Variants in DGLUCY observed in about 807,000 individuals in gnomAD.
The protein encoded by DGLUCY is D-glutamate cyclase, mitochondrial.
A neutral mutation model predicts 58.5 loss-of-function variants in DGLUCY; 58 were observed. That is an observed-to-expected ratio of 0.99 (90% confidence interval 0.80 to 1.23). DGLUCY has a LOEUF of 1.23. Ranked by LOEUF, DGLUCY falls within the 50% of genes most tolerant of loss-of-function variation. The pLI is 0.00. For missense variants in DGLUCY, 779 were observed against 784.7 expected (o/e 0.99, Z 0.09); for synonymous variants, 325 against 314.1 (o/e 1.03, Z -0.37).
At chr14:91,175,758 G>A in intron 6 of DGLUCY, 176 bp from the exon 7 acceptor site, 2 of 585,356 alleles carry the variant, frequency 3.4e-6, no homozygotes, top group Non-Finnish European at 5.9e-6. Context: ...AAATTATGGA[G>A]TAGCCTGAGT....
chr14:91,222,040 T>C (rs981159959), intron 13 of DGLUCY, among the ~76,000 whole-genome samples: 3 of 152,188 alleles, frequency 2.0e-5, no homozygotes, highest in Non-Finnish European at 4.4e-5. Flanking sequence ...CCAAGCCCTG[T>C]CTACTCTCCC....
intron 1 of DGLUCY, among the ~76,000 whole-genome samples, chr14:91,067,936 T>C (rs1314569016): frequency 1.3e-5 from 2 of 152,168 alleles, no homozygotes; most frequent in African/African-American, 4.8e-5. Flanking sequence ...GACTGCAAGA[T>C]ACAAAGACCA....
intron 1 of DGLUCY, among the ~76,000 whole-genome samples, chr14:91,135,917 A>T (rs1389477954): frequency 7.0e-6 from 1 of 142,614 alleles, no homozygotes; most frequent in South Asian, 2.3e-4. Context: ...CTTGGCTAGG[A>T]TACATTAGCT....
At chr14:91,166,283 C>T (rs971249897) in intron 3 of DGLUCY, among the ~76,000 whole-genome samples, 1 of 152,118 alleles carries the variant, frequency 6.6e-6, no homozygotes, top group Admixed American at 6.5e-5. Context: ...TGGGGCTCTG[C>T]AATTAGCAGG....
At chr14:91,205,779 T>C (rs867206222) in intron 12 of DGLUCY, among the ~76,000 whole-genome samples, 2 of 147,180 alleles carry the variant, frequency 1.4e-5, no homozygotes, top group Non-Finnish European at 3.0e-5. Flanking sequence ...TTCTTCTTCT[T>C]CTTCTTCTTC....
chr14:91,134,442 T>G (rs913254681), intron 1 of DGLUCY, among the ~76,000 whole-genome samples: 10 of 149,886 alleles, frequency 6.7e-5, no homozygotes, highest in African/African-American at 2.4e-4. Context: ...TTACATTTCT[T>G]TTTTTTTTTT....
intron 3 of DGLUCY, among the ~76,000 whole-genome samples, chr14:91,162,378 A>G (rs939018854): frequency 2.6e-5 from 4 of 152,326 alleles, no homozygotes; most frequent in African/African-American, 7.2e-5. Flanking sequence ...ACTGCCTTCC[A>G]TGGAGCCCAA....
At chr14:91,190,239 G>A (rs932058394) in intron 9 of DGLUCY, among the ~76,000 whole-genome samples, 2 of 151,754 alleles carry the variant, frequency 1.3e-5, no homozygotes, top group Non-Finnish European at 2.9e-5. Flanking sequence ...CGCCCGCCTC[G>A]GCCTCCCAAA....
intron 13 of DGLUCY, among the ~76,000 whole-genome samples, chr14:91,217,382 G>A (rs937767146): frequency 6.6e-6 from 1 of 152,226 alleles, no homozygotes; most frequent in Non-Finnish European, 1.5e-5. Context: ...AGAAGAGCCC[G>A]AGATTGGGTG....
chr14:91,169,130 A>C (rs374943545), intron 4 of DGLUCY, among the ~76,000 whole-genome samples: 4 of 152,216 alleles, frequency 2.6e-5, no homozygotes, highest in Non-Finnish European at 4.4e-5. Context: ...AAAGAAAAAA[A>C]GACTGGGACA....
intron 1 of DGLUCY, among the ~76,000 whole-genome samples, chr14:91,123,883 T>C (rs2045533711): frequency 6.6e-6 from 1 of 152,142 alleles, no homozygotes; most frequent in South Asian, 2.1e-4. Flanking sequence ...CAGCCTGTTT[T>C]TTTCAATGTT....
At chr14:91,194,216 C>T (rs1315920485) in intron 9 of DGLUCY, among the ~76,000 whole-genome samples, 1 of 152,108 alleles carries the variant, frequency 6.6e-6, no homozygotes, top group East Asian at 1.9e-4. Context: ...TGGGTGTTAC[C>T]CCATTTTGTA....
At chr14:91,224,148 G>A (rs1887893286) in intron 13 of DGLUCY, among the ~76,000 whole-genome samples, 1 of 152,216 alleles carries the variant, frequency 6.6e-6, no homozygotes, top group Non-Finnish European at 1.5e-5. Context: ...ACTATTGGCA[G>A]ATAATCCAGG....
chr14:91,083,124 C>T (rs1008532384), intron 1 of DGLUCY, among the ~76,000 whole-genome samples: 1 of 152,200 alleles, frequency 6.6e-6, no homozygotes, highest in African/African-American at 2.4e-5. Context: ...CCTATGCCTA[C>T]ATGTTGGGAA....
chr14:91,092,045 A>C (rs1287504977), intron 1 of DGLUCY, among the ~76,000 whole-genome samples: 1 of 152,066 alleles, frequency 6.6e-6, no homozygotes, highest in Non-Finnish European at 1.5e-5. Context: ...TTCCTTTCTC[A>C]TTCCTGCCTC....
At chr14:91,207,343 A>G (rs940797093) in intron 12 of DGLUCY, among the ~76,000 whole-genome samples, 11 of 151,362 alleles carry the variant, frequency 7.3e-5, no homozygotes, top group Non-Finnish European at 1.5e-4. Flanking sequence ...GTGCTGGGGG[A>G]AAAAAAAACC....
At chr14:91,115,870 TCGGCTGGCG>T (rs145193540) in intron 1 of DGLUCY, among the ~76,000 whole-genome samples, 3,693 of 152,290 alleles carry the variant, frequency 0.024, 63 homozygotes, top group South Asian at 0.041. Flanking sequence ...TTTCCGCAGC[TCGGCTGGCG>T]CTGTAGCTGC....
chr14:91,118,132 G>A (rs1050400606), intron 1 of DGLUCY, among the ~76,000 whole-genome samples: 2 of 127,664 alleles, frequency 1.6e-5, no homozygotes, highest in African/African-American at 3.0e-5. Context: ...CCAGGCTAGA[G>A]TACAGTGGGA....
At chr14:91,109,342 C>T (rs1324016048), upstream of DGLUCY, among the ~76,000 whole-genome samples, 2 of 152,124 alleles carry the variant, frequency 1.3e-5, no homozygotes, top group African/African-American at 4.8e-5. Context: ...CCGCTGTGTT[C>T]CTAGGACTGG....
Sources: gnomAD v4.1 joint callset for allele counts (sites outside exome capture counted in the v4.1 genomes callset) on GRCh38, gnomAD v4.1.1 for gene constraint, MANE v1.5 for transcripts, NCBI Gene and HGNC (gene_info 2026-07-23, HGNC 2026-07-21) for gene names.